Variants in RTRAF observed in about 807,000 individuals in gnomAD.
RTRAF encodes the protein RNA transcription, translation and transport factor, also known as tRNA-splicing ligase complex subunit RTRAF.
RTRAF carries 14 observed loss-of-function variants against 34.4 expected under a neutral mutation model. That is an observed-to-expected ratio of 0.41 (90% CI 0.27 to 0.64). RTRAF has a LOEUF of 0.64. Among genes scored for constraint, RTRAF ranks in the 30% least tolerant of loss-of-function variants. The pLI, the probability that RTRAF is intolerant of heterozygous loss-of-function variation, is 0.34. For synonymous variants in RTRAF, 96 were observed against 95.3 expected (o/e 1.01, Z -0.04); for missense variants, 291 against 288.4 (o/e 1.01, Z -0.06).
chr14:51,999,600 G>T (rs1315097064), intron 4 of RTRAF, 108 bp from the exon 5 acceptor site: 2 of 668,338 alleles, frequency 3.0e-6, no homozygotes, highest in East Asian at 2.7e-5. Context: ...AAAACTAAGA[G>T]ATTTGTTGCT....
rs1007504546 is a variant in RTRAF, at chr14:52,009,239, A to G, written c.*4723A>G. On this transcript the variant is annotated 3_prime_UTR_variant, in exon 8 of 8. Transcript: ENST00000261700. The stretch of plus-strand genomic sequence containing the variant: ...TAAGGTGGAGGTGGCCAGAGGGTAC[A>G]GCATGCATATCATTGCTTCATCGCT... 30 of 152,344 alleles carry G rather than the reference A, an allele frequency of 2.0e-4. No homozygotes were observed. The highest frequency in any genetic ancestry group is 6.7e-4 in the African/African-American group (28 of 41,586). 9.4% of individuals were successfully genotyped at this position (152,344 alleles called of 1,614,324 possible).
rs1163541263 is a variant in RTRAF at position 51,993,774 on chromosome 14, A to G, written c.238A>G (p.Ile80Val). Reference protein sequence around the residue: ...PFKIQDRQEAIDWLLGLAVRL... With the variant: ...PFKIQDRQEAVDWLLGLAVRL... ...CAAGATTCAAGATCGACAAGAAGCT[A>G]TTGACTGGCTTCTTGGTTTAGCTGT... The change falls in exon 3 of 8, where the codon ATT becomes GTT. Residue 80 changes from isoleucine (I) to valine (V), a missense_variant. Coordinates refer to ENST00000261700, the MANE Select transcript of RTRAF (RefSeq NM_016039.3). The G allele has an allele frequency of 3.7e-6, 6 of 1,605,434 alleles. No homozygotes were observed. Among genetic ancestry groups the G allele is most frequent in the African/African-American group, 1.3e-5 (1 of 74,462 alleles).
chr14:52,010,634 GAC>G lies in RTRAF; in HGVS notation c.*6119_*6120del, dbSNP rs1304531230. On this transcript the variant is annotated 3_prime_UTR_variant, in exon 8 of 8. Transcript: ENST00000261700. ...TGAATTTTCTACATATCACATCACA[GAC>G]TAATATTGTTTATACCAGTCTTGTT... The G allele has an allele frequency of 2.4e-6, 1 of 417,210 alleles. No individual in the cohort carries two copies. The highest frequency in any genetic ancestry group is 2.0e-5 in the African/African-American group (1 of 50,942). The allele number at this position is 417,210 out of a possible 1,614,324, so 25.8% of individuals were successfully genotyped here.
chr14:51,994,060 A>G (rs1890478359), intron 3 of RTRAF, among the ~76,000 whole-genome samples: 1 of 152,254 alleles, frequency 6.6e-6, no homozygotes, highest in Non-Finnish European at 1.5e-5. Flanking sequence ...GAGTAACACT[A>G]CTTTGATAAT....
At position 52,008,949 on chromosome 14, in the gene RTRAF, T is replaced by C. The variant is rs762471729; in HGVS notation, c.*4433T>C. 1.3e-5 allele frequency: 2 copies of C among 152,216 alleles called. No homozygotes were observed. The highest frequency in any genetic ancestry group is 2.4e-5 in the African/African-American group (1 of 41,452). The allele number at this position is 152,216 out of a possible 1,614,324, so 9.4% of individuals were successfully genotyped here. A position where few individuals can be genotyped will look rare whatever the true frequency, so the allele number is the denominator to read the frequency against. On this transcript the variant is annotated 3_prime_UTR_variant, in exon 8 of 8. Coordinates refer to ENST00000261700, the MANE Select transcript of RTRAF (RefSeq NM_016039.3). ...CATAACAGATACTAACGAGGAAATATGGTCCTATTAAGTGGAAATAGGTTA... is the reference window on the plus strand; with the variant it reads ...CATAACAGATACTAACGAGGAAATACGGTCCTATTAAGTGGAAATAGGTTA...
chr14:52,006,353 T>C lies in RTRAF; in HGVS notation c.*1837T>C. ...ATTTCTGGGTGAAGTAAAAGGATGATTTCAAAAACATGAAAGGATGAAAAA... is the reference window on the plus strand; with the variant it reads ...ATTTCTGGGTGAAGTAAAAGGATGACTTCAAAAACATGAAAGGATGAAAAA... On this transcript the variant is annotated 3_prime_UTR_variant, in exon 8 of 8. Coordinates refer to ENST00000261700, the MANE Select transcript of RTRAF (RefSeq NM_016039.3). The C allele has an allele frequency of 1.6e-6, 1 of 623,494 alleles. No individual in the cohort carries two copies. The highest frequency in any genetic ancestry group is 3.1e-5 in the Admixed American group (1 of 31,938). 38.6% of individuals were successfully genotyped at this position (623,494 alleles called of 1,614,324 possible).
At position 52,004,602 on chromosome 14, in the gene RTRAF, TCTCGGGGGAGGAAG is replaced by T; in HGVS notation, c.*88_*101del. 1 of 1,360,914 alleles carries T rather than the reference TCTCGGGGGAGGAAG, an allele frequency of 7.3e-7. No individual in the cohort carries two copies. The highest frequency in any genetic ancestry group is 2.5e-5 in the Admixed American group (1 of 39,836). 84.3% of individuals were successfully genotyped at this position (1,360,914 alleles called of 1,614,324 possible). On this transcript the variant is annotated 3_prime_UTR_variant, in exon 8 of 8. Transcript: ENST00000261700. ...ATGTTTGGAAATCAAAATGTCACAT[TCTCGGGGGAGGAAG>T]CCCAGAAAATTGGGTATGTTCTAGA...
Position 52,007,837 on chromosome 14 carries a change from A to G in RTRAF, c.*3321A>G. The G allele has an allele frequency of 6.2e-7, 1 of 1,613,972 alleles. No individual in the cohort carries two copies. Among genetic ancestry groups the G allele is most frequent in the Non-Finnish European group, 8.5e-7 (1 of 1,179,946 alleles). ...GCATCTGCCCAGCAGAGCAGTTTAG[A>G]GAAAGGGTCAAAGGTTAAGCCATTG... On this transcript the variant is annotated 3_prime_UTR_variant, in exon 8 of 8. Transcript: ENST00000261700.
chr14:51,989,549 TCGCCGCGTCGC>T lies in RTRAF; in HGVS notation c.-88_-78del. 1 of 1,399,650 alleles carries T rather than the reference TCGCCGCGTCGC, an allele frequency of 7.1e-7. No individual in the cohort carries two copies. The highest frequency in any genetic ancestry group is 9.8e-7 in the Non-Finnish European group (1 of 1,022,634). 86.7% of individuals were successfully genotyped at this position (1,399,650 alleles called of 1,614,324 possible). On this transcript the variant is annotated 5_prime_UTR_variant, in exon 1 of 8. Coordinates refer to ENST00000261700, the MANE Select transcript of RTRAF (RefSeq NM_016039.3). ...AGCGACTCAGCGCCTGCCCGCCCTCTCGCCGCGTCGCCGGTGCCTGCGCCTCCCGCTCCACC... is the reference window on the plus strand; with the variant it reads ...AGCGACTCAGCGCCTGCCCGCCCTCTCGGTGCCTGCGCCTCCCGCTCCACC...
chr14:52,003,645 G>C (rs1427588276), intron 6 of RTRAF, among the ~76,000 whole-genome samples: 1 of 152,098 alleles, frequency 6.6e-6, no homozygotes, highest in African/African-American at 2.4e-5. Flanking sequence ...GAGTGGTTTA[G>C]TTTTTCATTT....
chr14:51,997,766 A>T (rs1243335544), intron 3 of RTRAF, among the ~76,000 whole-genome samples: 2 of 129,474 alleles, frequency 1.5e-5, no homozygotes, highest in African/African-American at 5.9e-5. Flanking sequence ...TATGTACAGC[A>T]TTCAAAAGAA....
intron 3 of RTRAF, among the ~76,000 whole-genome samples, chr14:51,996,318 C>G (rs889068168): frequency 4.6e-5 from 7 of 152,090 alleles, no homozygotes; most frequent in African/African-American, 1.7e-4. Context: ...AATACTGTCT[C>G]TAATCGGTAG....
intron 5 of RTRAF, 38 bp downstream of exon 5, chr14:51,999,834 C>A: frequency 1.4e-6 from 2 of 1,433,560 alleles, no homozygotes; most frequent in Non-Finnish European, 1.9e-6. Context: ...AGAAACTGTG[C>A]ACATAGAAAA....
At position 51,999,771 on chromosome 14, in the gene RTRAF, A is replaced by T. The variant is rs532704605; in HGVS notation, c.437A>T (p.His146Leu). ...GCTAACCTGCTTCAGATTCAGCGTC[A>T]TGATGATTACCTGGTAATGCTTAAG... The part of the protein sequence containing the change: ...ALANLLQIQR[H>L]DDYLVMLKAI... The change falls in exon 5 of 8, where the codon CAT becomes CTT. Residue 146 changes from histidine (H) to leucine (L), a missense_variant. Transcript: ENST00000261700. 21 of 1,610,432 alleles carry T rather than the reference A, an allele frequency of 1.3e-5. No homozygotes were observed. In the South Asian group the frequency reaches 2.2e-4, roughly 17 times the overall value.
chr14:51,989,601 C>A lies in RTRAF; in HGVS notation c.-39C>A. The A allele has an allele frequency of 6.4e-7, 1 of 1,569,010 alleles. No individual in the cohort carries two copies. The highest frequency in any genetic ancestry group is 1.8e-5 in the Admixed American group (1 of 54,306). ...CCGCTCCACCTCGCTTCTTCTCTCC[C>A]GGCCGAGGCCCGGGGGACCAGAGCG... On this transcript the variant is annotated 5_prime_UTR_variant, in exon 1 of 8. Coordinates refer to ENST00000261700, the MANE Select transcript of RTRAF (RefSeq NM_016039.3).
intron 3 of RTRAF, 94 bp downstream of exon 3, chr14:51,993,916 G>C: frequency 2.9e-6 from 2 of 687,168 alleles, no homozygotes. Flanking sequence ...GTTTTGTCTA[G>C]TACTATTTTA....
rs1255864126 is a variant in RTRAF, at chr14:52,008,933, TACTA to T, written c.*4420_*4423del. ...AAAAATGAAATATATTCATAACAGA[TACTA>T]ACGAGGAAATATGGTCCTATTAAGT... On this transcript the variant is annotated 3_prime_UTR_variant, in exon 8 of 8. Coordinates refer to ENST00000261700, the MANE Select transcript of RTRAF (RefSeq NM_016039.3). The T allele has an allele frequency of 5.9e-5, 9 of 152,206 alleles. No individual in the cohort carries two copies. Among genetic ancestry groups the T allele is most frequent in the Non-Finnish European group, 1.3e-4 (9 of 68,040 alleles). The allele number at this position is 152,206 out of a possible 1,614,324, so 9.4% of individuals were successfully genotyped here. A position where few individuals can be genotyped will look rare whatever the true frequency, so the allele number is the denominator to read the frequency against.
At position 51,996,660 on chromosome 14, in the gene RTRAF, T is replaced by A. The variant is rs549937092; in HGVS notation, c.287-1834T>A. 4.5e-4 allele frequency among the ~76,000 whole-genome samples: 68 copies of A among 152,188 alleles called. 1 individual carries two copies. The highest frequency in any genetic ancestry group is 1.5e-3 in the African/African-American group (61 of 41,576). On this transcript the variant is annotated intron_variant, in intron 3 of 7. Transcript: ENST00000261700. The stretch of plus-strand genomic sequence containing the variant: ...AAACCATTTGATAGTAAATTATAGA[T>A]GATTCCTTTTTACTCTTAAACACTT...
In RTRAF at chr14:51,989,649, C is replaced by T; in HGVS notation, c.10C>T (p.Arg4Cys). Residue 4 changes from arginine to cysteine, a missense_variant, in exon 1 of 8, where the codon CGC becomes TGC. Arg to Cys is a radical substitution (Grantham distance 180). Transcript: ENST00000261700. ...GCGAGAAGCGGGGACCATGTTCCGA[C>T]GCAAGTTGACGGCTCTCGACTACCA... MFR[R>C]KLTALDYHNP... The T allele has an allele frequency of 6.2e-7, 1 of 1,605,588 alleles. No homozygotes were observed. The highest frequency in any genetic ancestry group is 8.5e-7 in the Non-Finnish European group (1 of 1,176,494).
Sources: allele counts gnomAD v4.1 joint callset (sites outside exome capture counted in the v4.1 genomes callset), GRCh38; gene constraint gnomAD v4.1.1; transcripts MANE v1.5; gene names NCBI Gene and HGNC (gene_info 2026-07-23, HGNC 2026-07-21).